The following PDE1C variants were observed in gnomAD, a reference collection of about 807,000 sequenced individuals.
The protein encoded by PDE1C is phosphodiesterase 1C.
A neutral mutation model predicts 93.1 loss-of-function variants in PDE1C; 62 were observed. The ratio of observed to expected loss-of-function variants is 0.67; its 90% CI spans 0.54 to 0.82. The LOEUF (loss-of-function observed/expected upper bound fraction) is 0.82, where lower values mean the gene tolerates loss of function less well. PDE1C is among the 40% of genes least tolerant of loss of function. The pLI is 0.00. For missense variants in PDE1C, 742 were observed against 884.6 expected, an observed-to-expected ratio of 0.84 and a Z score of 2.04; for synonymous variants, 325 against 310.1, an observed-to-expected ratio of 1.05 and a Z score of -0.50.
At chr7:32,114,812 A>G (rs1417069380) in intron 3 of PDE1C, among the ~76,000 whole-genome samples, 3 of 104,240 alleles carry the variant, frequency 2.9e-5, no homozygotes, top group African/African-American at 7.6e-5. Flanking sequence ...AAGAATATGA[A>G]CAGACACTTC....
At chr7:31,764,744 C>G (rs1795036376) in intron 17 of PDE1C, among the ~76,000 whole-genome samples, 1 of 152,220 alleles carries the variant, frequency 6.6e-6, no homozygotes, top group Non-Finnish European at 1.5e-5. Flanking sequence ...TCCTGCCTAT[C>G]AGCTTCCTGA....
chr7:31,701,680 A>T, the PDE1C span, among the ~76,000 whole-genome samples: 1 of 152,264 alleles, frequency 6.6e-6, no homozygotes, highest in Non-Finnish European at 1.5e-5. Flanking sequence ...CTTCACTGTC[A>T]TCTTGAGAGA....
intron 9 of PDE1C, among the ~76,000 whole-genome samples, chr7:31,838,524 T>A (rs1311921766): frequency 2.6e-5 from 4 of 152,198 alleles, no homozygotes; most frequent in African/African-American, 4.8e-5. Context: ...TATTGATACA[T>A]TATGTTAACT....
intron 3 of PDE1C, among the ~76,000 whole-genome samples, chr7:32,117,290 T>C (rs191337755): frequency 1.3e-5 from 2 of 152,336 alleles, no homozygotes; most frequent in Admixed American, 1.3e-4. Flanking sequence ...CACGCTCCAC[T>C]AATAATAATA....
upstream of PDE1C, among the ~76,000 whole-genome samples, chr7:32,076,405 C>A (rs543167166): frequency 1.3e-5 from 2 of 152,198 alleles, no homozygotes; most frequent in South Asian, 4.2e-4. Context: ...CTCTGAGAGG[C>A]CGACGTGGCC....
At chr7:31,645,003 C>T in the PDE1C span, among the ~76,000 whole-genome samples, 1 of 152,168 alleles carries the variant, frequency 6.6e-6, no homozygotes, top group Non-Finnish European at 1.5e-5. Context: ...TTAATCCATT[C>T]CATAAATATT....
chr7:31,916,490 C>A lies in PDE1C; in HGVS notation c.129-35630G>T, dbSNP rs77875352. Among the ~76,000 whole-genome samples, 250 of 152,288 alleles carry A rather than the reference C, an allele frequency of 1.6e-3. 4 individuals carry two copies. The East Asian group carries it at 0.044, about 27-fold the overall frequency. ...AATGCAAGTCAGTCATAAGCCCATG[C>A]TGCTGGTTCATGGACAATCTTCATA... On this transcript the variant is annotated intron_variant, in intron 2 of 17. Coordinates refer to ENST00000396191, the MANE Select transcript of PDE1C (RefSeq NM_001191057.4).
chr7:32,208,766 G>T (rs10807858), intron 2 of PDE1C, among the ~76,000 whole-genome samples: 140,095 of 152,124 alleles, frequency 0.92, 65,682 homozygotes, highest in East Asian at 1. Context: ...ATTAACTTGC[G>T]GGATAATTTG....
chr7:32,123,282 T>C lies in PDE1C; in HGVS notation c.308+46503A>G, dbSNP rs1212928564. Among the ~76,000 whole-genome samples the C allele has an allele frequency of 2.0e-5, 3 of 152,058 alleles. No individual in the cohort carries two copies. The South Asian group carries it at 6.2e-4, about 32-fold the overall frequency. On this transcript the variant is annotated intron_variant, in intron 3 of 18. Coordinates refer to the PDE1C transcript ENST00000396193. ...ATTCACAGCCAAATTCTAGCAGAGG[T>C]ACAAAAAGGAGCTGGTACAATTCCT...
chr7:31,828,425 C>A (rs773903309), intron 11 of PDE1C, 52 bp from the exon 12 acceptor site: 1 of 1,452,752 alleles, frequency 6.9e-7, no homozygotes, highest in Non-Finnish European at 9.6e-7. Context: ...CTGGGTCACC[C>A]AGATTTCATT....
chr7:32,145,214 T>C (rs150464461), intron 3 of PDE1C, among the ~76,000 whole-genome samples: 29 of 152,262 alleles, frequency 1.9e-4, no homozygotes, highest in Middle Eastern at 6.8e-3. Context: ...GAGGCTATCA[T>C]GGTAGGAAGG....
chr7:32,281,775 A>G (rs938579077), intron 1 of PDE1C, among the ~76,000 whole-genome samples: 3 of 152,200 alleles, frequency 2.0e-5, no homozygotes, highest in Non-Finnish European at 4.4e-5. Context: ...AACCAACCCA[A>G]ATGTCCATCA....
At chr7:31,705,778 G>A in the PDE1C span, among the ~76,000 whole-genome samples, 1 of 151,996 alleles carries the variant, frequency 6.6e-6, no homozygotes, top group African/African-American at 2.4e-5. Flanking sequence ...GGCAGTGCGA[G>A]GCAGTGGTGG....
chr7:31,813,979 C>A (rs1446666163), intron 15 of PDE1C, among the ~76,000 whole-genome samples: 1 of 151,902 alleles, frequency 6.6e-6, no homozygotes, highest in African/African-American at 2.4e-5. Flanking sequence ...GCTGCAAATG[C>A]CATTATTTCA....
the PDE1C span, among the ~76,000 whole-genome samples, chr7:31,690,015 G>A: frequency 6.6e-6 from 1 of 152,162 alleles, no homozygotes; most frequent in Admixed American, 6.5e-5. Flanking sequence ...TCAGTTTTGT[G>A]ACGAATCACT....
intron 2 of PDE1C, among the ~76,000 whole-genome samples, chr7:32,177,839 C>T (rs1037480600): frequency 6.6e-6 from 1 of 152,148 alleles, no homozygotes; most frequent in African/African-American, 2.4e-5. Context: ...ACCTCCTGAT[C>T]TGTTGGCCTT....
chr7:31,675,391 A>G, the PDE1C span, among the ~76,000 whole-genome samples: 1 of 152,126 alleles, frequency 6.6e-6, no homozygotes. Flanking sequence ...ATTTCATCAG[A>G]ATTAACTCCC....
intron 1 of PDE1C, among the ~76,000 whole-genome samples, chr7:32,249,023 A>G (rs1373900117): frequency 3.3e-5 from 5 of 152,114 alleles, no homozygotes; most frequent in African/African-American, 1.2e-4. Flanking sequence ...ATGCTGGTGA[A>G]CAGGAGCTCT....
chr7:32,036,588 A>G (rs1212015343), intron 2 of PDE1C, among the ~76,000 whole-genome samples: 1 of 152,214 alleles, frequency 6.6e-6, no homozygotes, highest in Admixed American at 6.5e-5. Flanking sequence ...TGATCAAGAA[A>G]TAAGAGAAGG....
Sources: allele counts gnomAD v4.1 joint callset (sites outside exome capture counted in the v4.1 genomes callset), GRCh38; gene constraint gnomAD v4.1.1; transcripts MANE v1.5; gene names NCBI Gene and HGNC (gene_info 2026-07-23, HGNC 2026-07-21).